Variants in CTNNA2 observed in about 807,000 individuals in gnomAD.
CTNNA2 encodes catenin alpha-2.
Under a neutral mutation model 101.0 loss-of-function variants are expected in CTNNA2, and 42 were observed. That is an observed-to-expected ratio of 0.42 (90% CI 0.32 to 0.54). The LOEUF (loss-of-function observed/expected upper bound fraction) is 0.54. Ranked by LOEUF, CTNNA2 falls within the 20% of genes least tolerant of loss-of-function variation. The probability of loss-of-function intolerance (pLI) is 0.14; values close to 1 mark genes in which losing one functional copy is unlikely to be tolerated. For synonymous variants in CTNNA2, 450 were observed against 456.4 expected, an observed-to-expected ratio of 0.99 and a Z score of 0.18; for missense variants, 871 against 1,223.1, an observed-to-expected ratio of 0.71 and a Z score of 4.29.
At chr2:79,926,632 T>C (rs1215525605) in intron 7 of CTNNA2, among the ~76,000 whole-genome samples, 1 of 152,062 alleles carries the variant, frequency 6.6e-6, no homozygotes, top group Non-Finnish European at 1.5e-5. Context: ...TTTAAATGTG[T>C]ATAGTTATTA....
At chr2:79,658,000 G>T (rs1175266119) in intron 2 of CTNNA2, among the ~76,000 whole-genome samples, 1 of 151,754 alleles carries the variant, frequency 6.6e-6, no homozygotes. Flanking sequence ...TGAAAATGAG[G>T]TTAGGTTGCT....
intron 7 of CTNNA2, among the ~76,000 whole-genome samples, chr2:79,919,983 G>A (rs1461853875): frequency 6.6e-6 from 1 of 152,114 alleles, no homozygotes; most frequent in Non-Finnish European, 1.5e-5. Flanking sequence ...TTTGGAGGCC[G>A]AGGTGGGTGG....
intron 3 of CTNNA2, among the ~76,000 whole-genome samples, chr2:79,331,786 G>A (rs1461785800): frequency 6.6e-6 from 1 of 152,108 alleles, no homozygotes; most frequent in Non-Finnish European, 1.5e-5. Flanking sequence ...TAGTTCTGAA[G>A]GCTAATTATC....
chr2:80,545,207 C>G, intron 10 of CTNNA2, 133 bp downstream of exon 10: 1 of 807,248 alleles, frequency 1.2e-6, no homozygotes, highest in Non-Finnish European at 1.9e-6. Flanking sequence ...GTTTCAAGTT[C>G]TACCTTTCTC....
chr2:79,282,559 C>T (rs1675423160), intron 2 of CTNNA2, among the ~76,000 whole-genome samples: 1 of 150,288 alleles, frequency 6.7e-6, no homozygotes, highest in African/African-American at 2.4e-5. Context: ...TTTCCAATTT[C>T]ATCCATGTCC....
At chr2:80,142,486 A>C (rs1353061585) in intron 7 of CTNNA2, among the ~76,000 whole-genome samples, 2 of 152,188 alleles carry the variant, frequency 1.3e-5, no homozygotes, top group Non-Finnish European at 2.9e-5. Context: ...AACTGTTAAC[A>C]GATGAAAAAA....
intron 1 of CTNNA2, among the ~76,000 whole-genome samples, chr2:79,631,582 G>A (rs1320870313): frequency 6.6e-6 from 1 of 152,120 alleles, no homozygotes. Context: ...GAGAATTTTA[G>A]GTGGTTTTGT....
intron 7 of CTNNA2, among the ~76,000 whole-genome samples, chr2:79,974,628 A>T (rs1000570184): frequency 1.4e-4 from 21 of 152,170 alleles, no homozygotes; most frequent in Admixed American, 1.3e-4. Flanking sequence ...TATTTGATTC[A>T]CATTCATATA....
chr2:79,348,038 GTAGGTA>G (rs1677301455), intron 3 of CTNNA2, among the ~76,000 whole-genome samples: 1 of 152,092 alleles, frequency 6.6e-6, no homozygotes, highest in Admixed American at 6.6e-5. Flanking sequence ...AAGGGTAGAA[GTAGGTA>G]TAGGTGGCTC....
chr2:79,643,983 G>C (rs1369595422), intron 1 of CTNNA2, among the ~76,000 whole-genome samples: 1 of 152,194 alleles, frequency 6.6e-6, no homozygotes, highest in Admixed American at 6.5e-5. Context: ...CTCTTCTGCT[G>C]TATCTCTATC....
intron 1 of CTNNA2, among the ~76,000 whole-genome samples, chr2:79,525,580 A>G (rs1159076013): frequency 1.3e-5 from 2 of 152,010 alleles, no homozygotes; most frequent in South Asian, 2.1e-4. Flanking sequence ...ATTACATTAC[A>G]TTACATTATT....
intron 3 of CTNNA2, among the ~76,000 whole-genome samples, chr2:79,823,866 T>C (rs1312225894): frequency 1.1e-4 from 17 of 152,184 alleles, no homozygotes; most frequent in Non-Finnish European, 8.8e-5. Flanking sequence ...AAAACCTTAC[T>C]ACTTGGTTTT....
chr2:80,470,032 C>G (rs748085493), intron 9 of CTNNA2, among the ~76,000 whole-genome samples: 1 of 152,126 alleles, frequency 6.6e-6, no homozygotes, highest in Non-Finnish European at 1.5e-5. Flanking sequence ...GGACTCTGCT[C>G]CAGCCCTCCT....
At position 80,031,403 on chromosome 2, in the gene CTNNA2, G is replaced by C. The variant is rs118118265; in HGVS notation, c.1056+121606G>C. ...CTGGGGAGGCCTCCCAAACATGGTGGAAGGCAAGGAGCAGCAAGTCACGTC... is the reference window on the plus strand; with the variant it reads ...CTGGGGAGGCCTCCCAAACATGGTGCAAGGCAAGGAGCAGCAAGTCACGTC... On this transcript the variant is annotated intron_variant, in intron 7 of 18. Coordinates refer to ENST00000402739, the MANE Select transcript of CTNNA2 (RefSeq NM_001282597.3). Among the ~76,000 whole-genome samples, 11 of 152,310 alleles carry C rather than the reference G, an allele frequency of 7.2e-5. No individual in the cohort carries two copies. In the East Asian group the frequency reaches 2.1e-3, roughly 29 times the overall value.
chr2:79,195,841 A>G (rs1247456148), intron 1 of CTNNA2: 2 of 513,252 alleles, frequency 3.9e-6, no homozygotes, highest in Non-Finnish European at 7.8e-6. Flanking sequence ...ATATCACTCA[A>G]TGAAAGTTCT....
intron 4 of CTNNA2, among the ~76,000 whole-genome samples, chr2:79,490,277 C>G (rs1671195996): frequency 6.6e-6 from 1 of 152,146 alleles, no homozygotes; most frequent in Non-Finnish European, 1.5e-5. Context: ...CCTGTGCCTT[C>G]AAATACCGGT....
chr2:80,254,852 C>T (rs1433889961), intron 7 of CTNNA2, among the ~76,000 whole-genome samples: 1 of 152,150 alleles, frequency 6.6e-6, no homozygotes, highest in African/African-American at 2.4e-5. Flanking sequence ...GCCAAGATCA[C>T]ACAGTGAGTA....
At chr2:79,445,740 A>G (rs1678825429) in intron 4 of CTNNA2, among the ~76,000 whole-genome samples, 1 of 152,084 alleles carries the variant, frequency 6.6e-6, no homozygotes, top group African/African-American at 2.4e-5. Context: ...ACCTGCCCCC[A>G]TAGCCCCTTT....
At chr2:80,474,459 C>T (rs1219632085) in intron 9 of CTNNA2, among the ~76,000 whole-genome samples, 1 of 152,098 alleles carries the variant, frequency 6.6e-6, no homozygotes, top group East Asian at 1.9e-4. Context: ...AAAACAACAA[C>T]AGCAACAACA....
Sources: gnomAD v4.1 joint callset for allele counts (sites outside exome capture counted in the v4.1 genomes callset) on GRCh38, gnomAD v4.1.1 for gene constraint, MANE v1.5 for transcripts, NCBI Gene and HGNC (gene_info 2026-07-23, HGNC 2026-07-21) for gene names.